ABRACL: variants seen among roughly 807,000 people sequenced by gnomAD.
ABRACL encodes the protein ABRA C-terminal like, also known as costars family protein ABRACL.
Under a neutral mutation model 7.0 loss-of-function variants are expected in ABRACL, and 4 were observed. That is an observed-to-expected ratio of 0.57 (90% CI 0.28 to 1.30). The LOEUF (loss-of-function observed/expected upper bound fraction) is 1.30, where lower values mean the gene tolerates loss of function less well. Ranked by LOEUF, ABRACL falls within the 50% of genes most tolerant of loss-of-function variation. The pLI, the probability that ABRACL is intolerant of heterozygous loss-of-function variation, is 0.10. For missense variants in ABRACL, 104 were observed against 97.3 expected (o/e 1.07, Z -0.29); for synonymous variants, 30 against 36.0 (o/e 0.83, Z 0.60).
chr6:139,035,894 G>A (rs1243912270), intron 2 of ABRACL, among the ~76,000 whole-genome samples: 1 of 145,836 alleles, frequency 6.9e-6, no homozygotes, highest in Non-Finnish European at 1.5e-5. Flanking sequence ...GAGGTGAGGA[G>A]TTCGAGACCA....
At chr6:139,029,346 G>T (rs1786042610) in intron 1 of ABRACL, among the ~76,000 whole-genome samples, 1 of 152,092 alleles carries the variant, frequency 6.6e-6, no homozygotes, top group Admixed American at 6.5e-5. Flanking sequence ...AGATCAGGGG[G>T]TGCAGAGTCG....
chr6:139,029,755 C>T (rs1786051733), intron 1 of ABRACL, among the ~76,000 whole-genome samples: 1 of 152,094 alleles, frequency 6.6e-6, no homozygotes, highest in Admixed American at 6.5e-5. Context: ...AGCTGCTTGT[C>T]CGCGATTGCG....
rs143323425 is a variant in ABRACL at position 139,037,850 on chromosome 6, C to A, written c.61+3629C>A. Among the ~76,000 whole-genome samples the A allele has an allele frequency of 2.0e-5, 3 of 150,466 alleles. No individual in the cohort carries two copies. In the East Asian group the frequency reaches 5.9e-4, roughly 29 times the overall value. On this transcript the variant is annotated intron_variant, in intron 2 of 2. Transcript: ENST00000367660. ...GGAGTACAGTGGTGCGATTTTGGCT[C>A]ACTGCAACCTCTGCCTCCTGGGTTC...
intron 2 of ABRACL, among the ~76,000 whole-genome samples, chr6:139,037,735 A>G (rs1024119486): frequency 6.7e-6 from 1 of 150,040 alleles, no homozygotes; most frequent in Admixed American, 6.6e-5. Context: ...CAGTGAGGTC[A>G]TGTTACTCTT....
intron 1 of ABRACL, among the ~76,000 whole-genome samples, chr6:139,030,292 C>T (rs979406906): frequency 1.3e-5 from 2 of 152,136 alleles, no homozygotes; most frequent in African/African-American, 4.8e-5. Context: ...GAACATTCAA[C>T]TTAACTTGCT....
At chr6:139,042,503 C>T (rs890667972) in intron 2 of ABRACL, among the ~76,000 whole-genome samples, 2 of 152,190 alleles carry the variant, frequency 1.3e-5, no homozygotes, top group African/African-American at 2.4e-5. Flanking sequence ...CAGTCTTTGT[C>T]TGGATAATCC....
At position 139,042,915 on chromosome 6, in the gene ABRACL, T is replaced by C. The variant is rs373650228; in HGVS notation, c.*12T>C. 1,339 of 1,582,144 alleles carry C rather than the reference T, an allele frequency of 8.5e-4. 6 individuals carry two copies. The highest frequency in any genetic ancestry group is 5.0e-3 in the South Asian group (430 of 85,782). ...TACTGCAAGATTAATGTGGTTTACATATCTTTATGTACTGCCATTTTTTGT... is the reference window on the plus strand; with the variant it reads ...TACTGCAAGATTAATGTGGTTTACACATCTTTATGTACTGCCATTTTTTGT... On this transcript the variant is annotated 3_prime_UTR_variant, in exon 3 of 3. Transcript: ENST00000367660.
intron 2 of ABRACL, among the ~76,000 whole-genome samples, chr6:139,040,139 A>G (rs1258983652): frequency 6.6e-6 from 1 of 152,132 alleles, no homozygotes; most frequent in Non-Finnish European, 1.5e-5. Flanking sequence ...AAGAGTAACA[A>G]TGAGCTTTGC....
chr6:139,029,310 G>T (rs1393410404), intron 1 of ABRACL, among the ~76,000 whole-genome samples: 1 of 152,172 alleles, frequency 6.6e-6, no homozygotes, highest in African/African-American at 2.4e-5. Flanking sequence ...TGCAGCGCCG[G>T]AGGTGGGTGC....
intron 2 of ABRACL, chr6:139,034,602 TTC>T (rs869062507): frequency 2.6e-5 from 13 of 503,734 alleles, no homozygotes; most frequent in Middle Eastern, 1.1e-3. Context: ...CTTCTTTTTT[TTC>T]AAATCATCTT....
Position 139,042,847 on chromosome 6 carries a change from G to A in ABRACL, c.190G>A (p.Glu64Lys), listed in dbSNP as rs1455002222. 15 of 1,613,952 alleles carry A rather than the reference G, an allele frequency of 9.3e-6. No homozygotes were observed. Among genetic ancestry groups the A allele is most frequent in the Non-Finnish European group, 1.3e-5 (15 of 1,179,960 alleles). Residue 64 changes from glutamate to lysine, a missense_variant, in exon 3 of 3, where the codon GAG becomes AAG. Physicochemically the swap from Glu to Lys is moderately conservative, Grantham distance 56. Transcript: ENST00000367660. ...KRRKIVTYPG[E>K]LLLQGVHDDV... is the part of the protein sequence containing the mutation. ...AAGGAAGATTGTAACATATCCAGGA[G>A]AGCTGCTTCTGCAAGGTGTTCATGA... is the stretch of plus-strand genomic sequence containing the variant.
In ABRACL at chr6:139,031,800, C is replaced by T. The variant is rs150426181; in HGVS notation, c.-6-2355C>T. On this transcript the variant is annotated intron_variant, in intron 1 of 2. Coordinates refer to ENST00000367660, the MANE Select transcript of ABRACL (RefSeq NM_021243.3). ...CAATCATTCTGGCCCTGAACTGCTT[C>T]TGGGCCCAGGGTAAGACTCTACCCA... 1.1e-4 allele frequency among the ~76,000 whole-genome samples: 17 copies of T among 152,294 alleles called. 1 individual carries two copies. The highest frequency in any genetic ancestry group is 3.6e-4 in the African/African-American group (15 of 41,556).
At chr6:139,034,361 A>C (rs1786124452) in intron 2 of ABRACL, 140 bp downstream of exon 2, 2 of 1,568,806 alleles carry the variant, frequency 1.3e-6, no homozygotes, top group South Asian at 2.3e-5. Context: ...GCCCCAGGTT[A>C]TAACTGCCCT....
intron 1 of ABRACL, among the ~76,000 whole-genome samples, chr6:139,030,048 C>G (rs1786057379): frequency 1.3e-5 from 2 of 152,060 alleles, no homozygotes; most frequent in African/African-American, 4.8e-5. Flanking sequence ...AGTGCCTGGC[C>G]GTCATCTACC....
At position 139,043,175 on chromosome 6, in the gene ABRACL, T is replaced by G. The variant is rs1786279280; in HGVS notation, c.*272T>G. Reference sequence around the variant, plus strand: ...GCGGGGCAGGGATGGGAATGTTTGTTCATAAATAATTAGACATTTTCTATA... The same window carrying G: ...GCGGGGCAGGGATGGGAATGTTTGTGCATAAATAATTAGACATTTTCTATA... On this transcript the variant is annotated 3_prime_UTR_variant, in exon 3 of 3. Coordinates refer to ENST00000367660, the MANE Select transcript of ABRACL (RefSeq NM_021243.3). 1 of 258,216 alleles carries G rather than the reference T, an allele frequency of 3.9e-6. No individual in the cohort carries two copies. The highest frequency in any genetic ancestry group is 2.2e-5 in the African/African-American group (1 of 45,334). 16.0% of individuals were successfully genotyped at this position (258,216 alleles called of 1,614,324 possible).
intron 2 of ABRACL, among the ~76,000 whole-genome samples, chr6:139,039,352 C>T (rs368412890): frequency 3.3e-5 from 5 of 152,170 alleles, no homozygotes; most frequent in Non-Finnish European, 1.5e-5. Context: ...TCTTATCTTC[C>T]ATGAAATACA....
chr6:139,035,644 A>G (rs1786142328), intron 2 of ABRACL, among the ~76,000 whole-genome samples: 1 of 151,740 alleles, frequency 6.6e-6, no homozygotes. Context: ...CACCACGCTC[A>G]GCTAATTTTT....
chr6:139,034,201 T>A lies in ABRACL; in HGVS notation c.41T>A (p.Ile14Asn). Residue 14 changes from isoleucine to asparagine, a missense_variant, in exon 2 of 3, where the codon ATT becomes AAT. Physicochemically the swap from Ile to Asn is moderately radical, Grantham distance 149. Transcript: ENST00000367660. Reference protein sequence around the residue: ...DHEVNLLVEEIHRLGSKNADG... With the variant: ...DHEVNLLVEENHRLGSKNADG... The stretch of plus-strand genomic sequence containing the variant: ...GAGGTTAACCTCTTAGTGGAGGAAA[T>A]TCATCGTTTGGGTTCAAAAAGTAAG... 2 of 1,614,222 alleles carry A rather than the reference T, an allele frequency of 1.2e-6. No individual in the cohort carries two copies. The highest frequency in any genetic ancestry group is 1.7e-6 in the Non-Finnish European group (2 of 1,180,042).
In ABRACL at chr6:139,042,610, A is replaced by G. The variant is rs980726447; in HGVS notation, c.62-109A>G. 2.3e-5 allele frequency: 25 copies of G among 1,081,308 alleles called. No individual in the cohort carries two copies. In the African/African-American group the frequency reaches 3.4e-4, roughly 15 times the overall value. The allele number at this position is 1,081,308 out of a possible 1,614,324, so 67.0% of individuals were successfully genotyped here. ...TATGACTGTTAAGTGTTAAATTGCA[A>G]CCTTGGATAGCCCATAGTTATAAAT... On this transcript the variant is annotated intron_variant, in intron 2 of 2. Transcript: ENST00000367660.
Sources: gnomAD v4.1 joint callset for allele counts (sites outside exome capture counted in the v4.1 genomes callset) on GRCh38, gnomAD v4.1.1 for gene constraint, MANE v1.5 for transcripts, NCBI Gene and HGNC (gene_info 2026-07-23, HGNC 2026-07-21) for gene names.